SBF2: variants seen among roughly 807,000 people sequenced by gnomAD.
SBF2 encodes myotubularin-related protein 13.
SBF2 carries 112 observed loss-of-function variants against 225.2 expected under a neutral mutation model. The observed-to-expected ratio is 0.50, with a 90% CI of 0.43 to 0.58. The LOEUF (loss-of-function observed/expected upper bound fraction) is 0.58. Among genes scored for constraint, SBF2 ranks in the 20% least tolerant of loss-of-function variants. SBF2 has a pLI of 0.00. For missense variants in SBF2, 1,996 were observed against 2,206.2 expected (o/e 0.90, Z 1.91); for synonymous variants, 763 against 773.3 (o/e 0.99, Z 0.22).
At position 10,274,666 on chromosome 11, in the gene SBF2, G is replaced by A. The variant is rs768048855; in HGVS notation, c.55+19349C>T. 6.6e-5 allele frequency among the ~76,000 whole-genome samples: 10 copies of A among 150,804 alleles called. No homozygotes were observed. In the South Asian group the frequency reaches 1.7e-3, roughly 25 times the overall value. On this transcript the variant is annotated intron_variant, in intron 1 of 39. Transcript: ENST00000256190. ...CTCAGGAGGCTGAGGCAGGAGAATC[G>A]CTTGAACCTAGGAGGTGGAGATTGC... is the stretch of plus-strand genomic sequence containing the variant.
At chr11:9,847,896 A>G (rs1856665766) in intron 22 of SBF2, among the ~76,000 whole-genome samples, 1 of 152,182 alleles carries the variant, frequency 6.6e-6, no homozygotes, top group South Asian at 2.1e-4. Context: ...AGGGATTTAA[A>G]TATTTCAGAG....
chr11:9,844,571 T>C (rs376294381), intron 24 of SBF2, among the ~76,000 whole-genome samples: 1 of 152,144 alleles, frequency 6.6e-6, no homozygotes, highest in African/African-American at 2.4e-5. Flanking sequence ...TAAAGAAATA[T>C]GACAACTAAA....
chr11:9,824,951 T>C (rs1461761249), intron 28 of SBF2, among the ~76,000 whole-genome samples: 1 of 152,208 alleles, frequency 6.6e-6, no homozygotes, highest in African/African-American at 2.4e-5. Flanking sequence ...CTGTACCATC[T>C]TTTAGTTCAA....
chr11:10,292,346 T>C (rs1964210666), intron 1 of SBF2, among the ~76,000 whole-genome samples: 1 of 152,110 alleles, frequency 6.6e-6, no homozygotes, highest in Non-Finnish European at 1.5e-5. Context: ...GGGTAGAATT[T>C]TTTGTACCAT....
intron 2 of SBF2, among the ~76,000 whole-genome samples, chr11:10,099,015 G>T (rs1233868344): frequency 6.6e-6 from 1 of 151,986 alleles, no homozygotes; most frequent in Non-Finnish European, 1.5e-5. Context: ...AGAAGTCCCA[G>T]AAAAAGAAGA....
chr11:10,112,386 T>A (rs1952917382), intron 2 of SBF2, among the ~76,000 whole-genome samples: 1 of 152,210 alleles, frequency 6.6e-6, no homozygotes, highest in South Asian at 2.1e-4. Flanking sequence ...CTGATGGTTT[T>A]TAAAATGGGA....
At chr11:10,192,647 T>G (rs73415076) in intron 2 of SBF2, among the ~76,000 whole-genome samples, 2,206 of 152,298 alleles carry the variant, frequency 0.014, 43 homozygotes, top group African/African-American at 0.037. Context: ...AATATAATCA[T>G]TATCCTCATT....
intron 1 of SBF2, among the ~76,000 whole-genome samples, chr11:10,196,592 T>C (rs1353556430): frequency 6.6e-6 from 1 of 151,786 alleles, no homozygotes; most frequent in Non-Finnish European, 1.5e-5. Context: ...TTGCCCAAGT[T>C]GGTCTTGAAC....
chr11:10,168,650 G>T (rs1189872979), intron 2 of SBF2, among the ~76,000 whole-genome samples: 1 of 152,222 alleles, frequency 6.6e-6, no homozygotes, highest in Non-Finnish European at 1.5e-5. Context: ...CAGTCTAAAA[G>T]AATCTGTAGT....
At chr11:9,826,857 CTT>C (rs1199780036) in intron 28 of SBF2, among the ~76,000 whole-genome samples, 1 of 151,652 alleles carries the variant, frequency 6.6e-6, no homozygotes, top group East Asian at 1.9e-4. Flanking sequence ...TCATTTTGCT[CTT>C]GTTGCCCAGC....
chr11:9,807,756 G>A (rs1226434199), intron 32 of SBF2: 2 of 556,426 alleles, frequency 3.6e-6, no homozygotes, highest in Non-Finnish European at 6.4e-6. Flanking sequence ...GTCATTTAGA[G>A]TGCTGGCTAC....
At chr11:10,235,527 CAAA>C (rs797015174) in intron 1 of SBF2, among the ~76,000 whole-genome samples, 2 of 80,572 alleles carry the variant, frequency 2.5e-5, no homozygotes, top group Non-Finnish European at 2.6e-5. Flanking sequence ...GACTCCATCT[CAAA>C]AAAAAAAAAA....
chr11:10,012,580 T>C (rs1948498513), intron 6 of SBF2, among the ~76,000 whole-genome samples: 2 of 152,242 alleles, frequency 1.3e-5, no homozygotes, highest in South Asian at 2.1e-4. Flanking sequence ...CTACCATTAA[T>C]TCTTTTAGCA....
At chr11:10,070,951 GCTCT>G (rs1420662303) in intron 2 of SBF2, among the ~76,000 whole-genome samples, 16 of 151,994 alleles carry the variant, frequency 1.1e-4, no homozygotes, top group African/African-American at 3.4e-4. Context: ...TCATGGTTTG[GCTCT>G]CTGTTTGTCT....
intron 32 of SBF2, among the ~76,000 whole-genome samples, chr11:9,803,418 G>A (rs1316816772): frequency 6.6e-6 from 1 of 152,098 alleles, no homozygotes; most frequent in East Asian, 1.9e-4. Context: ...TACCACTTAA[G>A]GGGTACTCAC....
At chr11:10,019,834 G>T (rs922087474) in intron 6 of SBF2, among the ~76,000 whole-genome samples, 1 of 152,110 alleles carries the variant, frequency 6.6e-6, no homozygotes, top group African/African-American at 2.4e-5. Flanking sequence ...GCATTAATTG[G>T]ATGGTTCAGC....
intron 1 of SBF2, among the ~76,000 whole-genome samples, chr11:10,198,878 G>A (rs1174526456): frequency 3.3e-5 from 5 of 152,230 alleles, no homozygotes; most frequent in Non-Finnish European, 7.3e-5. Context: ...CAGATTTGAA[G>A]AGAGTTAGGG....
In SBF2 at chr11:9,787,413, G is replaced by A. The variant is rs143582419; in HGVS notation, c.5037+221C>T. Among the ~76,000 whole-genome samples, 405 of 152,270 alleles carry A rather than the reference G, an allele frequency of 2.7e-3. 1 individual carries two copies. The highest frequency in any genetic ancestry group is 9.5e-3 in the African/African-American group (393 of 41,538). ...CTTTTCCTTGGATTCGGGGTGCTGAGACATAAGTATTATGTCACTGTGGTG... is the reference window on the plus strand; with the variant it reads ...CTTTTCCTTGGATTCGGGGTGCTGAAACATAAGTATTATGTCACTGTGGTG... On this transcript the variant is annotated intron_variant, in intron 36 of 39. Transcript: ENST00000256190.
chr11:10,266,896 C>G (rs1317861029), intron 1 of SBF2, among the ~76,000 whole-genome samples: 1 of 152,174 alleles, frequency 6.6e-6, no homozygotes, highest in Non-Finnish European at 1.5e-5. Flanking sequence ...CGAGACCAGC[C>G]TGGCCACCAC....
Sources: gnomAD v4.1 joint callset for allele counts (sites outside exome capture counted in the v4.1 genomes callset) on GRCh38, gnomAD v4.1.1 for gene constraint, MANE v1.5 for transcripts, NCBI Gene and HGNC (gene_info 2026-07-23, HGNC 2026-07-21) for gene names.